The following GRID2IP variants were observed in gnomAD, a reference collection of about 807,000 sequenced individuals.
GRID2IP encodes the protein Grid2 interacting protein, also known as delphilin.
A neutral mutation model predicts 114.3 loss-of-function variants in GRID2IP; 78 were observed. That is an observed-to-expected ratio of 0.68 (90% confidence interval 0.57 to 0.82). GRID2IP has a LOEUF of 0.82. Ranked by LOEUF, GRID2IP falls within the 40% of genes least tolerant of loss-of-function variation. GRID2IP has a pLI of 0.00. For missense variants in GRID2IP, 1,727 were observed against 1,678.5 expected (o/e 1.03, Z -0.51); for synonymous variants, 809 against 724.0 (o/e 1.12, Z -1.89).
At chr7:6,500,308 C>T (rs1033076259) in intron 20 of GRID2IP, among the ~76,000 whole-genome samples, 1 of 151,868 alleles carries the variant, frequency 6.6e-6, no homozygotes, top group East Asian at 2.0e-4. Flanking sequence ...CTAAAAAATA[C>T]AAAAAATTAG....
At chr7:6,515,958 G>A (rs532143696) in intron 7 of GRID2IP, among the ~76,000 whole-genome samples, 103 of 150,680 alleles carry the variant, frequency 6.8e-4, no homozygotes, top group Non-Finnish European at 1.1e-3. Context: ...TCAGCCAGGC[G>A]TGGTGGTGTG....
rs61734441 is a variant in GRID2IP, at chr7:6,501,817, G to A, written c.3363C>T (p.Ser1121=). 5,794 of 1,551,408 alleles carry A rather than the reference G, an allele frequency of 3.7e-3. 22 individuals are homozygous for A. The highest frequency in any genetic ancestry group is 4.6e-3 in the Non-Finnish European group (5,269 of 1,146,900). Residue 1121 remains serine, a synonymous_variant, in exon 20 of 22, where the codon TCC becomes TCT. Transcript: ENST00000457091. ...TTGCAAACTTGTCCTCGCTAGAGGG[G>A]GAAATGCTCTGGCAGGCATCCTGTA... ...SEIQDACQSI[S]PSSEDKFAMV...
chr7:6,551,118 ACCGCGGGGCCCGCAAGACTGTGGTCGGGG>A lies in GRID2IP; in HGVS notation c.290_318del (p.Ala97ValfsTer10), dbSNP rs1249696475. 7.7e-7 allele frequency: 1 copy of A among 1,295,752 alleles called. No homozygotes were observed. Among genetic ancestry groups the A allele is most frequent in the Non-Finnish European group, 9.7e-7 (1 of 1,025,952 alleles). 80.3% of individuals were successfully genotyped at this position (1,295,752 alleles called of 1,614,324 possible). ...CGGCCCAGAGCTAGGCCGCGGCCGC[ACCGCGGGGCCCGCAAGACTGTGGTCGGGG>A]CCGCGGGGCCGGATCCTGGGCCGGG... On this transcript the variant is annotated frameshift_variant, in exon 1 of 22. Transcript: ENST00000457091. LOFTEE classifies it high-confidence loss of function.
rs1779733875 is a variant in GRID2IP at position 6,536,885 on chromosome 7, G to C, written c.584+2833C>G. The C allele has an allele frequency of 1.6e-6, 1 of 632,454 alleles. No homozygotes were observed. The highest frequency in any genetic ancestry group is 2.2e-5 in the Admixed American group (1 of 44,788). The allele number at this position is 632,454 out of a possible 1,614,324, so 39.2% of individuals were successfully genotyped here. On this transcript the variant is annotated intron_variant, in intron 2 of 21. Transcript: ENST00000457091. This position sits in a 1 kb window ranked among gnomAD's most constrained non-coding sequence, Gnocchi z 5.3. Reference sequence around the variant, plus strand: ...TGGTGGTCGCCTATGCTCCGCTGCAGAGCCGAGAGCTGCGCCGGGGCTGGG... The same window carrying C: ...TGGTGGTCGCCTATGCTCCGCTGCACAGCCGAGAGCTGCGCCGGGGCTGGG...
rs1334844192 is a variant in GRID2IP, at chr7:6,526,407, G to A, written c.834-98C>T. ...TGTCCCTCTCCCCTTAACCTCTCCG[G>A]CCCCCTATGCACCCCAGATGCCCAG... On this transcript the variant is annotated intron_variant, in intron 3 of 21. Transcript: ENST00000457091. The surrounding 1 kb of genome is among the most constrained non-coding windows in gnomAD (Gnocchi z 7.6). 1.3e-6 allele frequency: 2 copies of A among 1,503,438 alleles called. No individual in the cohort carries two copies. The highest frequency in any genetic ancestry group is 1.8e-6 in the Non-Finnish European group (2 of 1,114,488). 93.1% of individuals were successfully genotyped at this position (1,503,438 alleles called of 1,614,324 possible). A position where few individuals can be genotyped will look rare whatever the true frequency, so the allele number is the denominator to read the frequency against.
At chr7:6,543,957 C>T (rs751886689) in intron 1 of GRID2IP, among the ~76,000 whole-genome samples, 3 of 151,928 alleles carry the variant, frequency 2.0e-5, no homozygotes, top group Middle Eastern at 3.2e-3. Context: ...CCACCACGCC[C>T]GGCTCATTTT....
rs971369924 is a variant in GRID2IP, at chr7:6,520,058, G to A, written c.1268+520C>T. On this transcript the variant is annotated intron_variant, in intron 7 of 21. Coordinates refer to ENST00000457091, the MANE Select transcript of GRID2IP (RefSeq NM_001145118.2). This position sits in a 1 kb window ranked among gnomAD's most constrained non-coding sequence, Gnocchi z 4.6. ...TGGGAGGCCGAGGCGGGCAGATCAC[G>A]AGGTCAGGAGTTTGAGACCAGCCTG... Among the ~76,000 whole-genome samples the A allele has an allele frequency of 3.3e-5, 5 of 152,168 alleles. No homozygotes were observed. The highest frequency in any genetic ancestry group is 2.1e-4 in the South Asian group (1 of 4,824).
chr7:6,531,047 G>T (rs747466793), intron 2 of GRID2IP: 21 of 641,424 alleles, frequency 3.3e-5, no homozygotes, highest in South Asian at 3.3e-4. Context: ...CCGGAGGCGC[G>T]GGACGCGATG....
chr7:6,550,112 T>G (rs1779951605), intron 1 of GRID2IP, among the ~76,000 whole-genome samples: 1 of 152,106 alleles, frequency 6.6e-6, no homozygotes, highest in African/African-American at 2.4e-5. Context: ...TGCCTCAGTC[T>G]CCTGAGTATC....
At chr7:6,499,928 C>G (rs1786365333) in intron 20 of GRID2IP, among the ~76,000 whole-genome samples, 1 of 149,204 alleles carries the variant, frequency 6.7e-6, no homozygotes, top group Admixed American at 6.7e-5. Context: ...ACGCGGTCCC[C>G]CTATGTTGCC....
chr7:6,524,379 G>A (rs961787439), intron 4 of GRID2IP, among the ~76,000 whole-genome samples: 31 of 152,196 alleles, frequency 2.0e-4, no homozygotes, highest in Non-Finnish European at 8.8e-5. Flanking sequence ...GACGGATGCA[G>A]GACAGAGCAG....
At chr7:6,514,623 G>C (rs1562516635) in intron 7 of GRID2IP, 94 bp from the exon 8 acceptor site, 1 of 1,176,152 alleles carries the variant, frequency 8.5e-7, no homozygotes, top group Non-Finnish European at 1.1e-6. Flanking sequence ...CCAAGCCACA[G>C]CGTCTGCCCT....
At chr7:6,530,010 G>A (rs1034314593) in intron 2 of GRID2IP, among the ~76,000 whole-genome samples, 2 of 149,126 alleles carry the variant, frequency 1.3e-5, no homozygotes, top group Admixed American at 6.7e-5. Context: ...ACAGGCTGGA[G>A]TGCAGTGGTG....
intron 2 of GRID2IP, among the ~76,000 whole-genome samples, chr7:6,533,253 C>A (rs544220704): frequency 4.6e-5 from 7 of 152,266 alleles, no homozygotes; most frequent in South Asian, 2.1e-4. Context: ...ACTTGAGACA[C>A]CTGCTCTTGG....
In GRID2IP at chr7:6,502,074, G is replaced by A. The variant is rs1480000345; in HGVS notation, c.3195C>T (p.His1065=). The change falls in exon 19 of 22, where the codon CAC becomes CAT. Residue 1065 remains histidine (H), a synonymous_variant. Coordinates refer to ENST00000457091, the MANE Select transcript of GRID2IP (RefSeq NM_001145118.2). ...GCTGGCTCAGCGATTTGGCAAGGATGTGCAGGAAGGTGGACTTCCCATCCA... is the reference window on the plus strand; with the variant it reads ...GCTGGCTCAGCGATTTGGCAAGGATATGCAGGAAGGTGGACTTCCCATCCA... ...KTVDGKSTFL[H]ILAKSLSQHF... 3 of 1,551,390 alleles carry A rather than the reference G, an allele frequency of 1.9e-6. No individual in the cohort carries two copies. The highest frequency in any genetic ancestry group is 1.4e-5 in the African/African-American group (1 of 73,106).
rs1786607158 is a variant in GRID2IP at position 6,506,872 on chromosome 7, A to G, written c.2545-965T>C. On this transcript the variant is annotated intron_variant, in intron 13 of 21. Coordinates refer to ENST00000457091, the MANE Select transcript of GRID2IP (RefSeq NM_001145118.2). The surrounding 1 kb of genome is among the most constrained non-coding windows in gnomAD (Gnocchi z 5.2). Reference sequence around the variant, plus strand: ...AACTTTTTGATTTTTTTGTAGAGACAAGATCTCACTATGTTGCCCAGACTT... The same window carrying G: ...AACTTTTTGATTTTTTTGTAGAGACGAGATCTCACTATGTTGCCCAGACTT... Among the ~76,000 whole-genome samples the G allele has an allele frequency of 6.6e-6, 1 of 151,920 alleles. No individual in the cohort carries two copies. The highest frequency in any genetic ancestry group is 2.4e-5 in the African/African-American group (1 of 41,356).
At chr7:6,512,796 T>A (rs948537643) in intron 8 of GRID2IP, among the ~76,000 whole-genome samples, 1 of 151,858 alleles carries the variant, frequency 6.6e-6, no homozygotes, top group Admixed American at 6.6e-5. Context: ...CAGACGTGAG[T>A]CACCGCGCAC....
chr7:6,499,462 G>T (rs1467660601), intron 20 of GRID2IP, among the ~76,000 whole-genome samples: 2 of 152,082 alleles, frequency 1.3e-5, no homozygotes, highest in Non-Finnish European at 2.9e-5. Flanking sequence ...ACAGAGTCTC[G>T]CTCTGTTGCC....
chr7:6,550,018 T>C (rs1779949995), intron 1 of GRID2IP, among the ~76,000 whole-genome samples: 3 of 146,800 alleles, frequency 2.0e-5, no homozygotes, highest in African/African-American at 7.3e-5. Context: ...AGAGATGCGG[T>C]CTCACTCCGT....
Sources: allele counts gnomAD v4.1 joint callset (sites outside exome capture counted in the v4.1 genomes callset), GRCh38; gene constraint gnomAD v4.1.1; non-coding constraint Gnocchi (gnomAD v3.1); transcripts MANE v1.5; gene names NCBI Gene and HGNC (gene_info 2026-07-23, HGNC 2026-07-21).